Variants in SPRED1 observed in about 807,000 individuals in gnomAD.
SPRED1 encodes the protein sprouty-related, EVH1 domain-containing protein 1.
In SPRED1, 18 loss-of-function variants were observed where a neutral mutation model predicts 52.3. The ratio of observed to expected loss-of-function variants is 0.34; its 90% confidence interval spans 0.24 to 0.51. SPRED1 has a LOEUF of 0.51. Among genes scored for constraint, SPRED1 ranks in the 20% least tolerant of loss-of-function variants. The pLI, the probability that SPRED1 is intolerant of heterozygous loss-of-function variation, is 0.97. For missense variants in SPRED1, 485 were observed against 551.0 expected, an observed-to-expected ratio of 0.88 and a Z score of 1.20; for synonymous variants, 155 against 179.7, an observed-to-expected ratio of 0.86 and a Z score of 1.10.
chr15:38,351,237 G>A lies in SPRED1; in HGVS notation c.908G>A (p.Ser303Asn), dbSNP rs1261994638. The A allele has an allele frequency of 1.9e-6, 3 of 1,614,080 alleles. No individual in the cohort carries two copies. Among genetic ancestry groups the A allele is most frequent in the Admixed American group, 3.3e-5 (2 of 59,976 alleles). ...LYSCGDETKL[S>N]SPKDSVVFKT... ...TCTTGTGGGGATGAGACTAAGTTAA[G>A]TTCACCCAAAGACTCTGTGGTATTT... Residue 303 changes from serine to asparagine, a missense_variant, in exon 7 of 7, where the codon AGT (serine) becomes AAT (asparagine). Transcript: ENST00000299084.
In SPRED1 at chr15:38,352,710, T is replaced by C. The variant is rs971181654; in HGVS notation, c.*1046T>C. The C allele has an allele frequency of 6.6e-6, 1 of 152,168 alleles. No homozygotes were observed. The highest frequency in any genetic ancestry group is 2.4e-5 in the African/African-American group (1 of 41,464). The allele number at this position is 152,168 out of a possible 1,614,324, so 9.4% of individuals were successfully genotyped here. ...TTCATGTTGAGATCTTCACGTATCA[T>C]TCTGCTAAACCAGAATATGTTCAGC... is the stretch of plus-strand genomic sequence containing the variant. On this transcript the variant is annotated 3_prime_UTR_variant, in exon 7 of 7. Transcript: ENST00000299084.
intron 1 of SPRED1, among the ~76,000 whole-genome samples, chr15:38,281,016 G>T (rs1198353865): frequency 1.3e-5 from 2 of 152,190 alleles, no homozygotes; most frequent in Non-Finnish European, 2.9e-5. Context: ...AGGACAAGTT[G>T]TAGGAACTGG....
intron 1 of SPRED1, among the ~76,000 whole-genome samples, chr15:38,255,534 C>T (rs1213995074): frequency 1.3e-5 from 2 of 152,036 alleles, no homozygotes; most frequent in Non-Finnish European, 2.9e-5. Context: ...ATAATGTGTT[C>T]ATCTGATAAT....
intron 1 of SPRED1, among the ~76,000 whole-genome samples, chr15:38,262,486 T>G (rs1359462909): frequency 6.6e-6 from 1 of 152,124 alleles, no homozygotes; most frequent in Non-Finnish European, 1.5e-5. Flanking sequence ...GGAAGGGTAT[T>G]CCAACCAGGA....
intron 3 of SPRED1, 92 bp downstream of exon 3, chr15:38,322,501 CT>C: frequency 7.5e-7 from 1 of 1,337,132 alleles, no homozygotes; most frequent in African/African-American, 1.5e-5. Context: ...AGTTTTCACA[CT>C]TTAACCATGT....
chr15:38,320,824 CTTTTG>C (rs1166600126), intron 2 of SPRED1, among the ~76,000 whole-genome samples: 1 of 152,128 alleles, frequency 6.6e-6, no homozygotes, highest in Non-Finnish European at 1.5e-5. Context: ...AATATATCCA[CTTTTG>C]TTTTATTTGA....
chr15:38,278,765 G>A (rs546021061), intron 1 of SPRED1, among the ~76,000 whole-genome samples: 6 of 44,256 alleles, frequency 1.4e-4, no homozygotes, highest in Non-Finnish European at 4.6e-4. Flanking sequence ...AAGGAAGAAT[G>A]ACAAAGAAAA....
At chr15:38,262,997 C>T (rs1205455865) in intron 1 of SPRED1, among the ~76,000 whole-genome samples, 1 of 152,114 alleles carries the variant, frequency 6.6e-6, no homozygotes, top group Non-Finnish European at 1.5e-5. Flanking sequence ...CTTCTTAGGA[C>T]AGTTGACTGG....
chr15:38,293,426 C>G (rs1021730811), intron 1 of SPRED1, among the ~76,000 whole-genome samples: 10 of 152,094 alleles, frequency 6.6e-5, no homozygotes, highest in African/African-American at 2.4e-4. Context: ...AGAGGTGACA[C>G]TGCCTTTGGA....
In SPRED1 at chr15:38,352,563, G is replaced by GT. The variant is rs900202267; in HGVS notation, c.*905dup. The GT allele has an allele frequency of 1.3e-5, 2 of 152,324 alleles. No homozygotes were observed. Among genetic ancestry groups the GT allele is most frequent in the African/African-American group, 2.4e-5 (1 of 41,408 alleles). The allele number at this position is 152,324 out of a possible 1,614,324, so 9.4% of individuals were successfully genotyped here. A position where few individuals can be genotyped will look rare whatever the true frequency, so the allele number is the denominator to read the frequency against. Reference sequence around the variant, plus strand: ...AGAAAAAAAGTGAAGTTTTTTAGTTGTTTTTTGTGGTATTCAACCAGCAAG... The same window carrying GT: ...AGAAAAAAAGTGAAGTTTTTTAGTTGTTTTTTTGTGGTATTCAACCAGCAAG... On this transcript the variant is annotated 3_prime_UTR_variant, in exon 7 of 7. Coordinates refer to ENST00000299084, the MANE Select transcript of SPRED1 (RefSeq NM_152594.3).
At chr15:38,254,707 G>C (rs1894054414) in intron 1 of SPRED1, among the ~76,000 whole-genome samples, 1 of 152,186 alleles carries the variant, frequency 6.6e-6, no homozygotes, top group Admixed American at 6.5e-5. Flanking sequence ...ACAGTTATGT[G>C]GGAAATATCA....
At chr15:38,287,325 T>A (rs2140969404) in intron 1 of SPRED1, among the ~76,000 whole-genome samples, 1 of 152,312 alleles carries the variant, frequency 6.6e-6, no homozygotes, top group East Asian at 1.9e-4. Context: ...GCCACCTTCA[T>A]CTATTGCTGA....
At chr15:38,331,857 AC>A (rs1310827385) in intron 4 of SPRED1, among the ~76,000 whole-genome samples, 2 of 152,246 alleles carry the variant, frequency 1.3e-5, no homozygotes, top group African/African-American at 4.8e-5. Context: ...ACTTTATTCA[AC>A]AATTCCATTT....
At chr15:38,297,574 T>A (rs1158776867) in intron 1 of SPRED1, among the ~76,000 whole-genome samples, 1 of 152,184 alleles carries the variant, frequency 6.6e-6, no homozygotes, top group African/African-American at 2.4e-5. Flanking sequence ...ATAAAAAGCT[T>A]CCACAAAAGA....
At chr15:38,282,691 A>G (rs972425125) in intron 1 of SPRED1, among the ~76,000 whole-genome samples, 8 of 152,148 alleles carry the variant, frequency 5.3e-5, no homozygotes, top group African/African-American at 1.9e-4. Flanking sequence ...CCCATTTCCT[A>G]ATAGCGATGG....
rs545353493 is a variant in SPRED1 at position 38,333,655 on chromosome 15, T to G, written c.424-6082T>G. Reference sequence around the variant, plus strand: ...TGGTAAGAATATGGAGCACCGATTGTGAATACATGAATTGTTCAAACCACC... The same window carrying G: ...TGGTAAGAATATGGAGCACCGATTGGGAATACATGAATTGTTCAAACCACC... On this transcript the variant is annotated intron_variant, in intron 4 of 6. Transcript: ENST00000299084. 4.6e-5 allele frequency among the ~76,000 whole-genome samples: 7 copies of G among 152,214 alleles called. No individual in the cohort carries two copies. The East Asian group carries it at 1.4e-3, about 29-fold the overall frequency.
intron 1 of SPRED1, among the ~76,000 whole-genome samples, chr15:38,286,110 T>G (rs1180681340): frequency 1.3e-5 from 2 of 149,850 alleles, no homozygotes; most frequent in African/African-American, 4.9e-5. Context: ...CCAGGTATGG[T>G]GGCAGGTGCC....
At position 38,355,439 on chromosome 15, in the gene SPRED1, C is replaced by G. The variant is rs915051818; in HGVS notation, c.*3775C>G. 6.6e-6 allele frequency: 1 copy of G among 152,142 alleles called. No individual in the cohort carries two copies. The highest frequency in any genetic ancestry group is 2.4e-5 in the African/African-American group (1 of 41,430). The allele number at this position is 152,142 out of a possible 1,614,324, so 9.4% of individuals were successfully genotyped here. The stretch of plus-strand genomic sequence containing the variant: ...TTGGGTAAGTCTTGCTTTTTCTTTT[C>G]TTTTTCCTCTCCCCTGCCCCCTTAA... On this transcript the variant is annotated 3_prime_UTR_variant, in exon 7 of 7. Coordinates refer to ENST00000299084, the MANE Select transcript of SPRED1 (RefSeq NM_152594.3).
At chr15:38,335,435 G>A (rs1895893617) in intron 4 of SPRED1, among the ~76,000 whole-genome samples, 3 of 152,042 alleles carry the variant, frequency 2.0e-5, no homozygotes, top group Non-Finnish European at 2.9e-5. Flanking sequence ...TGAATAGTAG[G>A]TATTGAGAAG....
Sources: gnomAD v4.1 joint callset for allele counts (sites outside exome capture counted in the v4.1 genomes callset) on GRCh38, gnomAD v4.1.1 for gene constraint, MANE v1.5 for transcripts, NCBI Gene and HGNC (gene_info 2026-07-23, HGNC 2026-07-21) for gene names.